Variants in KLHDC8A observed in about 807,000 individuals in gnomAD.
The protein encoded by KLHDC8A is kelch domain containing 8A, also known as kelch domain-containing protein 8A.
Under a neutral mutation model 33.1 loss-of-function variants are expected in KLHDC8A, and 21 were observed. That is an observed-to-expected ratio of 0.64 (90% CI 0.45 to 0.91). The LOEUF (loss-of-function observed/expected upper bound fraction) is 0.91, where lower values mean the gene tolerates loss of function less well. KLHDC8A is among the 40% of genes least tolerant of loss of function. KLHDC8A has a pLI of 0.00. For missense variants in KLHDC8A, 435 were observed against 483.3 expected, an observed-to-expected ratio of 0.90 and a Z score of 0.94; for synonymous variants, 173 against 193.5, an observed-to-expected ratio of 0.89 and a Z score of 0.88.
Position 205,343,737 on chromosome 1 carries a change from G to A in KLHDC8A, c.-133C>T. 1.0e-6 allele frequency: 1 copy of A among 972,580 alleles called. No individual in the cohort carries two copies. The highest frequency in any genetic ancestry group is 1.5e-6 in the Non-Finnish European group (1 of 677,790). 60.2% of individuals were successfully genotyped at this position (972,580 alleles called of 1,614,324 possible). A position where few individuals can be genotyped will look rare whatever the true frequency, so the allele number is the denominator to read the frequency against. On this transcript the variant is annotated 5_prime_UTR_variant, in exon 2 of 6. Coordinates refer to ENST00000367155, the MANE Select transcript of KLHDC8A (RefSeq NM_018203.3). Reference sequence around the variant, plus strand: ...CGAGCGCCGGACCCAGCCAGACCCCGGCCAGTGCTTCACCGTGCCCCGAGT... The same window carrying A: ...CGAGCGCCGGACCCAGCCAGACCCCAGCCAGTGCTTCACCGTGCCCCGAGT...
chr1:205,339,908 A>T lies in KLHDC8A; in HGVS notation c.377-100T>A. The T allele has an allele frequency of 9.2e-7, 1 of 1,081,500 alleles. No homozygotes were observed. Among genetic ancestry groups the T allele is most frequent in the Non-Finnish European group, 1.3e-6 (1 of 747,082 alleles). The allele number at this position is 1,081,500 out of a possible 1,614,324, so 67.0% of individuals were successfully genotyped here. A position where few individuals can be genotyped will look rare whatever the true frequency, so the allele number is the denominator to read the frequency against. On this transcript the variant is annotated intron_variant, in intron 2 of 5. Transcript: ENST00000367155. This position sits in a 1 kb window ranked among gnomAD's most constrained non-coding sequence, Gnocchi z 5.1. Reference sequence around the variant, plus strand: ...CTCCCATGGCCAGGCCAAGCTTTCAACCACTGCTCAGCCAGAGTGAGTCAT... The same window carrying T: ...CTCCCATGGCCAGGCCAAGCTTTCATCCACTGCTCAGCCAGAGTGAGTCAT...
chr1:205,355,804 G>A (rs1437811850), intron 1 of KLHDC8A, among the ~76,000 whole-genome samples: 2 of 152,196 alleles, frequency 1.3e-5, no homozygotes, highest in African/African-American at 4.8e-5. Context: ...TGTCTATGTA[G>A]ATATTCTTTC....
At chr1:205,342,217 G>T (rs112168951) in intron 2 of KLHDC8A, among the ~76,000 whole-genome samples, 195 of 152,304 alleles carry the variant, frequency 1.3e-3, no homozygotes, top group African/African-American at 4.2e-3. Context: ...AGCACAAATG[G>T]TAAGGATTCA....
intron 1 of KLHDC8A, among the ~76,000 whole-genome samples, chr1:205,355,076 G>A (rs370884175): frequency 2.8e-4 from 42 of 152,272 alleles, no homozygotes; most frequent in African/African-American, 9.6e-4. Context: ...CTGGTCTCAG[G>A]CTCTGAGCCT....
chr1:205,338,657 A>C (rs1185388093), intron 4 of KLHDC8A, 61 bp from the exon 5 acceptor site: 9 of 1,393,644 alleles, frequency 6.5e-6, no homozygotes, highest in Non-Finnish European at 9.2e-6. Flanking sequence ...CACTCCCACC[A>C]AATGCAGATT....
Position 205,339,518 on chromosome 1 carries a change from C to A in KLHDC8A, c.542-109G>T, listed in dbSNP as rs913226258. 4.9e-6 allele frequency: 7 copies of A among 1,416,484 alleles called. No individual in the cohort carries two copies. Among genetic ancestry groups the A allele is most frequent in the Admixed American group, 1.9e-5 (1 of 52,268 alleles). The allele number at this position is 1,416,484 out of a possible 1,614,324, so 87.7% of individuals were successfully genotyped here. ...GTTACTCATTCATACAGGAAGCTCC[C>A]GGTGGGCTGGGCAGTGTGATTATCC... On this transcript the variant is annotated intron_variant, in intron 3 of 5. Coordinates refer to ENST00000367155, the MANE Select transcript of KLHDC8A (RefSeq NM_018203.3). This position sits in a 1 kb window ranked among gnomAD's most constrained non-coding sequence, Gnocchi z 5.1.
chr1:205,342,663 T>TC (rs1247604178), intron 2 of KLHDC8A, among the ~76,000 whole-genome samples: 3 of 152,158 alleles, frequency 2.0e-5, no homozygotes, highest in Non-Finnish European at 4.4e-5. Context: ...GTCTCCTAAT[T>TC]CCCATTGAAC....
chr1:205,352,035 T>A (rs1034597437), intron 1 of KLHDC8A, among the ~76,000 whole-genome samples: 1 of 152,184 alleles, frequency 6.6e-6, no homozygotes, highest in Non-Finnish European at 1.5e-5. Flanking sequence ...GGGCCCTTTA[T>A]GGGGCTGGGA....
intron 1 of KLHDC8A, among the ~76,000 whole-genome samples, chr1:205,350,150 A>G (rs1290127846): frequency 6.6e-6 from 1 of 152,210 alleles, no homozygotes; most frequent in Admixed American, 6.5e-5. Flanking sequence ...CAGCTACCCC[A>G]GGTCCAGTCA....
At chr1:205,351,177 G>C (rs1477474301) in intron 1 of KLHDC8A, 5 of 734,924 alleles carry the variant, frequency 6.8e-6, no homozygotes, top group East Asian at 2.5e-5. Flanking sequence ...CATATATTGG[G>C]CTTTTATTTG....
At chr1:205,345,459 C>T (rs1191304485) in intron 1 of KLHDC8A, among the ~76,000 whole-genome samples, 2 of 152,096 alleles carry the variant, frequency 1.3e-5, no homozygotes, top group Admixed American at 1.3e-4. Flanking sequence ...TAATTCTGGC[C>T]GGGTGCGGTG....
At position 205,355,212 on chromosome 1, in the gene KLHDC8A, G is replaced by A. The variant is rs1017533904; in HGVS notation, c.-190+1321C>T. ...TGCTGGGAGCCCAAAGTCCAGTCCA[G>A]CCTCTCAGCCAGGCTTAATGCCTGG... is the stretch of plus-strand genomic sequence containing the variant. On this transcript the variant is annotated intron_variant, in intron 1 of 5. Coordinates refer to ENST00000367155, the MANE Select transcript of KLHDC8A (RefSeq NM_018203.3). Among the ~76,000 whole-genome samples, 16 of 152,306 alleles carry A rather than the reference G, an allele frequency of 1.1e-4. No individual in the cohort carries two copies. The East Asian group carries it at 3.1e-3, about 29-fold the overall frequency.
Position 205,336,463 on chromosome 1 carries a change from C to T in KLHDC8A, c.*936G>A, listed in dbSNP as rs1662633680. The T allele has an allele frequency of 6.6e-6, 1 of 152,646 alleles. No individual in the cohort carries two copies. The highest frequency in any genetic ancestry group is 6.5e-5 in the Admixed American group (1 of 15,274). 9.5% of individuals were successfully genotyped at this position (152,646 alleles called of 1,614,324 possible). ...AGGAGGGATTGTTTTATGGGGTCCTCCCTGCCCCTCAAGACACCCTTCCGC... is the reference window on the plus strand; with the variant it reads ...AGGAGGGATTGTTTTATGGGGTCCTTCCTGCCCCTCAAGACACCCTTCCGC... On this transcript the variant is annotated 3_prime_UTR_variant, in exon 6 of 6. Transcript: ENST00000367155.
At chr1:205,338,372 G>A (rs1558683371) in intron 5 of KLHDC8A, 123 bp downstream of exon 5, 2 of 713,522 alleles carry the variant, frequency 2.8e-6, no homozygotes, top group East Asian at 5.3e-5. Flanking sequence ...CGAATTTTTT[G>A]GAGTATAGTG....
chr1:205,340,004 CTTTT>C (rs776512752), intron 2 of KLHDC8A, 196 bp from the exon 3 acceptor site: 15 of 395,252 alleles, frequency 3.8e-5, no homozygotes, highest in Non-Finnish European at 6.7e-5. Context: ...GAGTCTGTTT[CTTTT>C]TTTTTATTTT....
rs756338704 is a variant in KLHDC8A at position 205,339,683 on chromosome 1, C to T, written c.502G>A (p.Ala168Thr). 2 of 1,614,146 alleles carry T rather than the reference C, an allele frequency of 1.2e-6. No homozygotes were observed. The highest frequency in any genetic ancestry group is 1.7e-6 in the Non-Finnish European group (2 of 1,180,022). Residue 168 changes from alanine (A) to threonine (T), a missense_variant, in exon 3 of 6, where the codon GCC becomes ACC. By Grantham distance (58) the Ala-to-Thr change is moderately conservative. Transcript: ENST00000367155. The surrounding 1 kb of genome is among the most constrained non-coding windows in gnomAD (Gnocchi z 5.1). The stretch of plus-strand genomic sequence containing the variant: ...TTGGAGCCTCGGAGGAAGGAGGTGG[C>T]AGCATATCTCGGGGTGGGCATGGGT... ...LAPMPTPRYA[A>T]TSFLRGSKIY... is the part of the protein sequence containing the mutation.
At chr1:205,344,873 A>T (rs1662903900) in intron 1 of KLHDC8A, among the ~76,000 whole-genome samples, 1 of 152,032 alleles carries the variant, frequency 6.6e-6, no homozygotes, top group Non-Finnish European at 1.5e-5. Flanking sequence ...ACCAACATAG[A>T]CAAACACACA....
intron 2 of KLHDC8A, among the ~76,000 whole-genome samples, chr1:205,341,439 C>T (rs1245845657): frequency 6.6e-6 from 1 of 152,150 alleles, no homozygotes; most frequent in African/African-American, 2.4e-5. Context: ...ACAAGATCCA[C>T]CCCTCCCATC....
intron 2 of KLHDC8A, among the ~76,000 whole-genome samples, chr1:205,342,518 T>C (rs1357366181): frequency 6.6e-6 from 1 of 152,166 alleles, no homozygotes; most frequent in Non-Finnish European, 1.5e-5. Context: ...GCTCAAGAAA[T>C]ACTGGTTCCC....
Sources: gnomAD v4.1 joint callset for allele counts (sites outside exome capture counted in the v4.1 genomes callset) on GRCh38, gnomAD v4.1.1 for gene constraint, Gnocchi (gnomAD v3.1) non-coding constraint, MANE v1.5 for transcripts, NCBI Gene and HGNC (gene_info 2026-07-23, HGNC 2026-07-21) for gene names.